FAH: variants seen among roughly 807,000 people sequenced by gnomAD.
FAH encodes the protein fumarylacetoacetase.
A neutral mutation model predicts 55.8 loss-of-function variants in FAH; 47 were observed. The ratio of observed to expected loss-of-function variants is 0.84; its 90% CI spans 0.67 to 1.07. FAH has a LOEUF of 1.07. Among genes scored for constraint, FAH ranks in the 50% least tolerant of loss-of-function variants. The pLI, the probability that FAH is intolerant of heterozygous loss-of-function variation, is 0.00. For synonymous variants in FAH, 199 were observed against 207.7 expected (o/e 0.96, Z 0.36); for missense variants, 495 against 545.9 (o/e 0.91, Z 0.93).
chr15:80,179,602 C>T (rs1567121273), intron 11 of FAH, among the ~76,000 whole-genome samples: 1 of 152,186 alleles, frequency 6.6e-6, no homozygotes, highest in African/African-American at 2.4e-5. Flanking sequence ...CTCTCCCTCG[C>T]TCCTTGGCCT....
At chr15:80,172,585 A>AC (rs1422701780) in intron 8 of FAH, among the ~76,000 whole-genome samples, 5 of 152,142 alleles carry the variant, frequency 3.3e-5, no homozygotes, top group South Asian at 2.1e-4. Context: ...TTCCCATTTT[A>AC]CAGATGAGGA....
Position 80,186,276 on chromosome 15 carries a change from C to A in FAH, c.*67C>A, listed in dbSNP as rs1045110087. 5.9e-5 allele frequency: 79 copies of A among 1,331,100 alleles called. No individual in the cohort carries two copies. In the South Asian group the frequency reaches 7.3e-4, roughly 12 times the overall value. The allele number at this position is 1,331,100 out of a possible 1,614,324, so 82.5% of individuals were successfully genotyped here. ...CTTTCAACCCTGTGACTGGGGTCCT[C>A]CCTCGGGCTGTAGGCCTGGTCCGCC... On this transcript the variant is annotated 3_prime_UTR_variant, in exon 14 of 14. Transcript: ENST00000561421.
chr15:80,153,840 T>G (rs2041076264), intron 1 of FAH, among the ~76,000 whole-genome samples: 1 of 152,240 alleles, frequency 6.6e-6, no homozygotes, highest in South Asian at 2.1e-4. Flanking sequence ...GAAAAGCAGA[T>G]TCCCTTGGAT....
intron 8 of FAH, 136 bp downstream of exon 8, chr15:80,172,384 A>G (rs1490439468): frequency 3.0e-6 from 2 of 676,406 alleles, no homozygotes; most frequent in African/African-American, 1.8e-5. Flanking sequence ...GGGTCTGGGT[A>G]TCAAACAGAC....
intron 4 of FAH, among the ~76,000 whole-genome samples, chr15:80,161,424 T>C (rs1055836774): frequency 3.9e-5 from 6 of 152,192 alleles, no homozygotes; most frequent in Non-Finnish European, 7.4e-5. Context: ...TGACTGTTGC[T>C]AGTCTAGGCT....
intron 8 of FAH, among the ~76,000 whole-genome samples, chr15:80,172,530 C>T (rs892093161): frequency 6.6e-6 from 1 of 152,002 alleles, no homozygotes; most frequent in Non-Finnish European, 1.5e-5. Flanking sequence ...TAACACCCTT[C>T]GTATATTCTC....
intron 1 of FAH, chr15:80,156,434 C>T (rs915662582): frequency 1.3e-5 from 2 of 152,308 alleles, no homozygotes; most frequent in African/African-American, 4.8e-5. Flanking sequence ...CCTTCAGTCT[C>T]TTGCCTCGGC....
At chr15:80,178,569 TA>T (rs2041303186) in intron 11 of FAH, among the ~76,000 whole-genome samples, 1 of 150,708 alleles carries the variant, frequency 6.6e-6, no homozygotes, top group Non-Finnish European at 1.5e-5. Context: ...ACTGTATAAA[TA>T]TTCCACAACT....
At chr15:80,169,212 G>C (rs539584577) in intron 7 of FAH, among the ~76,000 whole-genome samples, 1 of 151,918 alleles carries the variant, frequency 6.6e-6, no homozygotes, top group Non-Finnish European at 1.5e-5. Context: ...GTGAAACCCC[G>C]TCTCTACTAA....
chr15:80,172,690 C>T (rs965832212), intron 8 of FAH, among the ~76,000 whole-genome samples: 2 of 152,290 alleles, frequency 1.3e-5, no homozygotes, highest in South Asian at 2.1e-4. Context: ...CTTTGCCATA[C>T]GTGGGAGGAA....
intron 11 of FAH, among the ~76,000 whole-genome samples, chr15:80,179,418 G>T (rs1049165094): frequency 6.6e-6 from 1 of 152,202 alleles, no homozygotes; most frequent in African/African-American, 2.4e-5. Flanking sequence ...CTCCTTGCAG[G>T]GGCTCGTGGG....
chr15:80,172,920 A>G, intron 8 of FAH, 94 bp from the exon 9 acceptor site: 1 of 1,529,326 alleles, frequency 6.5e-7, no homozygotes, highest in Non-Finnish European at 9.1e-7. Context: ...TGGCAGTGCT[A>G]GGTGTCTCTG....
At chr15:80,161,388 G>T (rs8027913) in intron 4 of FAH, among the ~76,000 whole-genome samples, 129,356 of 151,926 alleles carry the variant, frequency 0.85, 55,525 homozygotes, top group East Asian at 0.96. Flanking sequence ...CCTGTGGACT[G>T]TTCTTCCTCT....
At chr15:80,174,736 C>T (rs750180291) in intron 9 of FAH, among the ~76,000 whole-genome samples, 1 of 152,206 alleles carries the variant, frequency 6.6e-6, no homozygotes, top group Non-Finnish European at 1.5e-5. Flanking sequence ...CCTTTCTCTC[C>T]CCTCCTGTGG....
At chr15:80,160,195 T>C in intron 3 of FAH, 2 of 658,730 alleles carry the variant, frequency 3.0e-6, no homozygotes, top group Non-Finnish European at 5.4e-6. Context: ...TTTCCACTTG[T>C]CTAGTCCCAT....
chr15:80,160,279 TGGCCCCA>T, intron 3 of FAH, 124 bp from the exon 4 acceptor site: 1 of 916,878 alleles, frequency 1.1e-6, no homozygotes, highest in South Asian at 1.3e-5. Context: ...AGCATAGCTC[TGGCCCCA>T]GGCCAGCCAG....
At chr15:80,152,944 G>A, upstream of FAH, 1 of 915,614 alleles carries the variant, frequency 1.1e-6, no homozygotes, top group Non-Finnish European at 1.7e-6. Context: ...CACCCGGACA[G>A]GCCGTGGGGG....
At chr15:80,183,715 G>A (rs553268770) in intron 13 of FAH, among the ~76,000 whole-genome samples, 1 of 152,322 alleles carries the variant, frequency 6.6e-6, no homozygotes, top group South Asian at 2.1e-4. Flanking sequence ...ATCAGCCAAC[G>A]CCGCAGCACT....
intron 13 of FAH, among the ~76,000 whole-genome samples, chr15:80,182,653 T>C (rs1595898305): frequency 6.6e-6 from 1 of 152,206 alleles, no homozygotes; most frequent in East Asian, 1.9e-4. Context: ...CCTTTGATGA[T>C]ATAATATCAT....
Sources: allele counts gnomAD v4.1 joint callset (sites outside exome capture counted in the v4.1 genomes callset), GRCh38; gene constraint gnomAD v4.1.1; transcripts MANE v1.5; gene names NCBI Gene and HGNC (gene_info 2026-07-23, HGNC 2026-07-21).